GPATCH8: variants seen among roughly 807,000 people sequenced by gnomAD.
GPATCH8 encodes the protein G-patch domain containing 8, also known as G patch domain-containing protein 8.
Under a neutral mutation model 118.3 loss-of-function variants are expected in GPATCH8, and 18 were observed. The ratio of observed to expected loss-of-function variants is 0.15; its 90% CI spans 0.11 to 0.23. GPATCH8 has a LOEUF of 0.23. Among genes scored for constraint, GPATCH8 ranks in the 10% least tolerant of loss-of-function variants. GPATCH8 has a pLI of 1.00. For synonymous variants in GPATCH8, 659 were observed against 684.7 expected, an observed-to-expected ratio of 0.96 and a Z score of 0.59; for missense variants, 1,631 against 1,873.8, an observed-to-expected ratio of 0.87 and a Z score of 2.39.
chr17:44,465,880 AAGTT>A (rs1259922458), intron 2 of GPATCH8: 1 of 152,226 alleles, frequency 6.6e-6, no homozygotes, highest in African/African-American at 2.4e-5. Context: ...CCCTAACTAG[AAGTT>A]AGAAGAAGAT....
intron 1 of GPATCH8, among the ~76,000 whole-genome samples, chr17:44,491,110 A>G (rs1048746096): frequency 3.3e-5 from 5 of 152,236 alleles, no homozygotes; most frequent in African/African-American, 1.2e-4. Context: ...CACAATCAAG[A>G]GCCTATAATC....
chr17:44,484,905 C>T (rs747157147), intron 1 of GPATCH8, among the ~76,000 whole-genome samples: 1 of 152,092 alleles, frequency 6.6e-6, no homozygotes, highest in Non-Finnish European at 1.5e-5. Flanking sequence ...CTCAACCTCC[C>T]AGGCTCAAGT....
chr17:44,426,603 C>CAAAAA (rs754510329), intron 5 of GPATCH8, among the ~76,000 whole-genome samples: 4 of 82,830 alleles, frequency 4.8e-5, no homozygotes, highest in African/African-American at 1.1e-4. Flanking sequence ...GACCTTGTCT[C>CAAAAA]AAAAAAAAAA....
At chr17:44,450,585 A>AAATATATT (rs11283092) in intron 3 of GPATCH8, among the ~76,000 whole-genome samples, 1 of 151,306 alleles carries the variant, frequency 6.6e-6, no homozygotes, top group Non-Finnish European at 1.5e-5. Context: ...CTACATTTGA[A>AAATATATT]ATACTACATA....
chr17:44,493,054 G>GT lies in GPATCH8; in HGVS notation c.45+10271dup, dbSNP rs398039127. Among the ~76,000 whole-genome samples the GT allele has an allele frequency of 1.6e-3, 202 of 124,382 alleles. 1 individual carries two copies. The highest frequency in any genetic ancestry group is 1.8e-3 in the East Asian group (8 of 4,328). The allele number at this position is 124,382 out of a possible 152,430, so 81.6% of individuals were successfully genotyped here. On this transcript the variant is annotated intron_variant, in intron 1 of 7. Transcript: ENST00000591680. ...TAAACCAATGGTGGTAAGCCATTAG[G>GT]TTTTTTTTTTTTTTTTTAAGACAGA...
intron 5 of GPATCH8, 75 bp downstream of exon 5, chr17:44,434,990 T>A: frequency 2.5e-6 from 2 of 785,002 alleles, no homozygotes; most frequent in South Asian, 2.7e-5. Context: ...CAGTGATGAT[T>A]TTCAACAAAA....
chr17:44,420,515 T>A (rs1413029885), intron 6 of GPATCH8, among the ~76,000 whole-genome samples: 2 of 152,204 alleles, frequency 1.3e-5, no homozygotes, highest in South Asian at 4.1e-4. Context: ...GCCAGTAGTA[T>A]CACACCCTTA....
intron 1 of GPATCH8, among the ~76,000 whole-genome samples, chr17:44,487,018 A>G (rs1272836562): frequency 6.6e-6 from 1 of 152,188 alleles, no homozygotes; most frequent in African/African-American, 2.4e-5. Flanking sequence ...TTATCAGCCA[A>G]AGTCCATAGT....
intron 1 of GPATCH8, among the ~76,000 whole-genome samples, chr17:44,502,749 T>A (rs1008877711): frequency 6.6e-6 from 1 of 152,104 alleles, no homozygotes; most frequent in African/African-American, 2.4e-5. Context: ...ACAGCAACAC[T>A]TATGCCCCGC....
chr17:44,481,596 A>G (rs1261041165), intron 1 of GPATCH8, among the ~76,000 whole-genome samples: 2 of 152,128 alleles, frequency 1.3e-5, no homozygotes, highest in Non-Finnish European at 2.9e-5. Context: ...TTTTGTCAAT[A>G]CTCAAATTGT....
At position 44,399,531 on chromosome 17, in the gene GPATCH8, T is replaced by G. The variant is rs569620875; in HGVS notation, c.2546A>C (p.His849Pro). ...EEEEEDSGSE[H>P]SRSRSRSGRR... Reference sequence around the variant, plus strand: ...GCCAGACCTTGAGCGGCTGCGGGAATGCTCACTGCCTGAATCTTCCTCTTC... The same window carrying G: ...GCCAGACCTTGAGCGGCTGCGGGAAGGCTCACTGCCTGAATCTTCCTCTTC... The change falls in exon 8 of 8, where the codon CAT (histidine) becomes CCT (proline). Residue 849 changes from histidine to proline, a missense_variant. Coordinates refer to ENST00000591680, the MANE Select transcript of GPATCH8 (RefSeq NM_001002909.4). The G allele has an allele frequency of 6.2e-7, 1 of 1,614,230 alleles. No individual in the cohort carries two copies.
intron 3 of GPATCH8, among the ~76,000 whole-genome samples, chr17:44,440,051 G>C (rs1347982713): frequency 6.6e-6 from 1 of 152,060 alleles, no homozygotes; most frequent in Non-Finnish European, 1.5e-5. Flanking sequence ...CCAAATGCTG[G>C]AATTACAGGC....
rs867305631 is a variant in GPATCH8, at chr17:44,448,508, G to A, written c.194-11963C>T. ...GTGAGCCAAAAAAAAAAAAAAGGGG[G>A]GGGGGGGAAGAAGGAGGAAGAAGAA... is the stretch of plus-strand genomic sequence containing the variant. On this transcript the variant is annotated intron_variant, in intron 3 of 7. Coordinates refer to ENST00000591680, the MANE Select transcript of GPATCH8 (RefSeq NM_001002909.4). Among the ~76,000 whole-genome samples, 9 of 117,918 alleles carry A rather than the reference G, an allele frequency of 7.6e-5. 1 individual carries two copies. Among genetic ancestry groups the A allele is most frequent in the Middle Eastern group, 8.2e-3 (2 of 244 alleles). The allele number at this position is 117,918 out of a possible 152,430, so 77.4% of individuals were successfully genotyped here.
chr17:44,457,081 T>C (rs2144236428), intron 3 of GPATCH8, among the ~76,000 whole-genome samples: 1 of 152,258 alleles, frequency 6.6e-6, no homozygotes, highest in East Asian at 1.9e-4. Context: ...CAGGCTGGTC[T>C]TGAACTCCTG....
intron 1 of GPATCH8, among the ~76,000 whole-genome samples, chr17:44,481,965 T>C (rs572557928): frequency 1.3e-5 from 2 of 151,484 alleles, no homozygotes; most frequent in East Asian, 2.0e-4. Flanking sequence ...CTGCTAAAAA[T>C]AGAAAAATTA....
At chr17:44,467,151 A>C in intron 2 of GPATCH8, 3 of 1,110,382 alleles carry the variant, frequency 2.7e-6, no homozygotes, top group Non-Finnish European at 3.6e-6. Flanking sequence ...ACAAAGTAAG[A>C]AACTGTCCAA....
At chr17:44,411,654 C>G (rs2143764362) in intron 6 of GPATCH8, among the ~76,000 whole-genome samples, 1 of 152,192 alleles carries the variant, frequency 6.6e-6, no homozygotes, top group East Asian at 1.9e-4. Context: ...TGATTTTGTC[C>G]CTTTAGGGTC....
In GPATCH8 at chr17:44,399,162, C is replaced by T. The variant is rs200308918; in HGVS notation, c.2915G>A (p.Arg972Gln). 241 of 1,610,442 alleles carry T rather than the reference C, an allele frequency of 1.5e-4. No individual in the cohort carries two copies. The highest frequency in any genetic ancestry group is 1.2e-4 in the Non-Finnish European group (136 of 1,176,948). Residue 972 changes from arginine to glutamine, a missense_variant, in exon 8 of 8, where the codon CGG becomes CAG. By Grantham distance (43) the Arg-to-Gln change is conservative (BLOSUM62 1). Coordinates refer to ENST00000591680, the MANE Select transcript of GPATCH8 (RefSeq NM_001002909.4). ...SSSCSRSRSK[R>Q]RSRSTTAHSW... is the part of the protein sequence containing the mutation. The stretch of plus-strand genomic sequence containing the variant: ...GTGGGCTGTGGTGCTACGGCTTCTC[C>T]GCTTGCTTCGACTACGACTACAACT...
At chr17:44,422,557 T>C (rs1598449633) in intron 6 of GPATCH8, among the ~76,000 whole-genome samples, 1 of 151,876 alleles carries the variant, frequency 6.6e-6, no homozygotes, top group South Asian at 2.1e-4. Context: ...TGGTGCGATC[T>C]CGGCTCACTG....
Sources: allele counts gnomAD v4.1 joint callset (sites outside exome capture counted in the v4.1 genomes callset), GRCh38; gene constraint gnomAD v4.1.1; transcripts MANE v1.5; gene names NCBI Gene and HGNC (gene_info 2026-07-23, HGNC 2026-07-21).